The following SLC25A46 variants were observed in gnomAD, a reference collection of about 807,000 sequenced individuals.
The protein encoded by SLC25A46 is mitochondrial outer membrane protein SLC25A46.
Under a neutral mutation model 44.6 loss-of-function variants are expected in SLC25A46, and 39 were observed. That is an observed-to-expected ratio of 0.87 (90% confidence interval 0.68 to 1.14). The LOEUF is 1.14. SLC25A46 is among the 50% of genes most tolerant of loss of function. SLC25A46 has a pLI of 0.00. For synonymous variants in SLC25A46, 202 were observed against 185.8 expected (o/e 1.09, Z -0.71); for missense variants, 547 against 522.7 (o/e 1.05, Z -0.45).
chr5:110,760,426 G>A (rs761163602), intron 7 of SLC25A46, among the ~76,000 whole-genome samples: 3 of 151,910 alleles, frequency 2.0e-5, no homozygotes, highest in African/African-American at 4.8e-5. Context: ...TGTCATGTCC[G>A]TCTTCTGCTT....
chr5:110,740,442 C>T (rs1026587213), intron 1 of SLC25A46, among the ~76,000 whole-genome samples: 2 of 152,010 alleles, frequency 1.3e-5, no homozygotes, highest in East Asian at 3.9e-4. Context: ...TGACTCTTCC[C>T]GGTTTAAAGT....
At chr5:110,753,079 T>A (rs1322697546) in intron 5 of SLC25A46, among the ~76,000 whole-genome samples, 1 of 152,114 alleles carries the variant, frequency 6.6e-6, no homozygotes, top group Non-Finnish European at 1.5e-5. Flanking sequence ...TGCTGAAATG[T>A]CAAATAAGGT....
At chr5:110,752,834 T>C (rs1247665815) in intron 5 of SLC25A46, among the ~76,000 whole-genome samples, 1 of 151,724 alleles carries the variant, frequency 6.6e-6, no homozygotes, top group African/African-American at 2.4e-5. Flanking sequence ...TAAATTAATT[T>C]GGGAGATTTT....
chr5:110,760,195 C>T (rs949961302), intron 7 of SLC25A46, among the ~76,000 whole-genome samples: 2 of 152,136 alleles, frequency 1.3e-5, no homozygotes, highest in African/African-American at 4.8e-5. Context: ...ATCCTTGACC[C>T]TTCTCTTGCA....
At chr5:110,749,336 A>T (rs1028795979) in intron 5 of SLC25A46, among the ~76,000 whole-genome samples, 1 of 152,116 alleles carries the variant, frequency 6.6e-6, no homozygotes, top group Admixed American at 6.6e-5. Flanking sequence ...AGAGTAAAAA[A>T]AAAAAAATAG....
intron 5 of SLC25A46, 180 bp from the exon 6 acceptor site, chr5:110,755,285 C>T: frequency 2.3e-6 from 1 of 437,586 alleles, no homozygotes; most frequent in Non-Finnish European, 4.1e-6. Flanking sequence ...ATTTTTTTCT[C>T]TCAAACCATC....
chr5:110,758,921 T>A (rs1800179289), intron 7 of SLC25A46, among the ~76,000 whole-genome samples: 1 of 152,206 alleles, frequency 6.6e-6, no homozygotes, highest in South Asian at 2.1e-4. Flanking sequence ...TATTGACTCA[T>A]ATTCCCTAAA....
At chr5:110,744,945 T>C (rs1214559951) in intron 3 of SLC25A46, among the ~76,000 whole-genome samples, 1 of 152,224 alleles carries the variant, frequency 6.6e-6, no homozygotes, top group East Asian at 1.9e-4. Context: ...ATTAACATTT[T>C]GTTACTTCAT....
Position 110,746,358 on chromosome 5 carries a change from G to C in SLC25A46, c.462+12G>C, listed in dbSNP as rs762989005. 1 of 1,553,600 alleles carries C rather than the reference G, an allele frequency of 6.4e-7. No individual in the cohort carries two copies. The highest frequency in any genetic ancestry group is 1.2e-5 in the South Asian group (1 of 84,464). On this transcript the variant is annotated intron_variant, in intron 4 of 7. Transcript: ENST00000355943. ...TCAACAAAACTCAGGTGAGAATTTT[G>C]TCTGGATTCTATTAAAGGTTTATAT...
intron 3 of SLC25A46, among the ~76,000 whole-genome samples, chr5:110,744,723 T>C (rs928380362): frequency 1.2e-4 from 18 of 152,346 alleles, no homozygotes; most frequent in African/African-American, 4.1e-4. Context: ...TTTGTTTATT[T>C]TTTAAAATAT....
Position 110,739,335 on chromosome 5 carries a change from G to C in SLC25A46, c.216G>C (p.Pro72=). The part of the protein sequence containing the change: ...PPYGVPTTST[P]YEGPTEEPFS... ...ACGGCGTGCCCACCACCTCCACCCC[G>C]TACGAAGGCCCCACGGAGGAACCCT... Residue 72 remains proline (P), a synonymous_variant, in exon 1 of 8, where the codon CCG becomes CCC. Transcript: ENST00000355943. 1.3e-6 allele frequency: 2 copies of C among 1,564,980 alleles called. No homozygotes were observed. The highest frequency in any genetic ancestry group is 1.7e-6 in the Non-Finnish European group (2 of 1,155,682).
intron 5 of SLC25A46, among the ~76,000 whole-genome samples, chr5:110,752,915 A>T (rs1561605169): frequency 6.6e-6 from 1 of 152,068 alleles, no homozygotes; most frequent in Non-Finnish European, 1.5e-5. Context: ...TAGAGTCTGA[A>T]CCTTAGGAAC....
Position 110,761,890 on chromosome 5 carries a change from T to A in SLC25A46, c.*108T>A. On this transcript the variant is annotated 3_prime_UTR_variant, in exon 8 of 8. Coordinates refer to ENST00000355943, the MANE Select transcript of SLC25A46 (RefSeq NM_138773.4). This position sits in a 1 kb window ranked among gnomAD's most constrained non-coding sequence, Gnocchi z 5.3. ...CTGGGGAAGAAAATGGATTGGAAAG[T>A]AAAATTGGTACTAAAGCCCATACTG... is the stretch of plus-strand genomic sequence containing the variant. 1.1e-6 allele frequency: 1 copy of A among 926,946 alleles called. No individual in the cohort carries two copies. The highest frequency in any genetic ancestry group is 1.6e-6 in the Non-Finnish European group (1 of 633,564). The allele number at this position is 926,946 out of a possible 1,614,324, so 57.4% of individuals were successfully genotyped here.
intron 1 of SLC25A46, among the ~76,000 whole-genome samples, chr5:110,740,705 A>C (rs1454636806): frequency 4.6e-5 from 7 of 151,954 alleles, no homozygotes; most frequent in Non-Finnish European, 8.8e-5. Context: ...TAATCCTAGC[A>C]CTTTGGGAGG....
At chr5:110,747,590 G>A (rs1410604981) in intron 4 of SLC25A46, among the ~76,000 whole-genome samples, 1 of 151,836 alleles carries the variant, frequency 6.6e-6, no homozygotes, top group East Asian at 1.9e-4. Flanking sequence ...TCATGCAAAG[G>A]GGCAAAACCA....
Position 110,761,080 on chromosome 5 carries a change from A to G in SLC25A46, c.679-124A>G. 2.7e-6 allele frequency: 2 copies of G among 736,902 alleles called. No homozygotes were observed. The highest frequency in any genetic ancestry group is 4.4e-6 in the Non-Finnish European group (2 of 451,178). The allele number at this position is 736,902 out of a possible 1,614,324, so 45.6% of individuals were successfully genotyped here. On this transcript the variant is annotated intron_variant, in intron 7 of 7. Transcript: ENST00000355943. The surrounding 1 kb of genome is among the most constrained non-coding windows in gnomAD (Gnocchi z 5.3). ...TGCCTAGATAACAGTTAAAGTCTGC[A>G]AATCATGGATGTTTCCCTCTTCAGT...
At chr5:110,744,180 T>C (rs1006630655) in intron 3 of SLC25A46, among the ~76,000 whole-genome samples, 7 of 152,184 alleles carry the variant, frequency 4.6e-5, no homozygotes, top group African/African-American at 1.4e-4. Context: ...AGTCAATCTG[T>C]TGCATCACGT....
At chr5:110,738,380 T>C (rs1799439196), upstream of SLC25A46, 2 of 542,686 alleles carry the variant, frequency 3.7e-6, no homozygotes, top group South Asian at 7.0e-5. Context: ...AAAACTATAG[T>C]TTCTTTACAG....
chr5:110,749,509 G>A (rs1235587102), intron 5 of SLC25A46, among the ~76,000 whole-genome samples: 1 of 126,342 alleles, frequency 7.9e-6, no homozygotes, highest in Non-Finnish European at 1.8e-5. Context: ...TGTGGGAGCG[G>A]TGGGAAGGGG....
Sources: gnomAD v4.1 joint callset for allele counts (sites outside exome capture counted in the v4.1 genomes callset) on GRCh38, gnomAD v4.1.1 for gene constraint, Gnocchi (gnomAD v3.1) non-coding constraint, MANE v1.5 for transcripts, NCBI Gene and HGNC (gene_info 2026-07-23, HGNC 2026-07-21) for gene names.